The following TRIM64C variants were observed in gnomAD, a reference collection of about 807,000 sequenced individuals.
The protein encoded by TRIM64C is tripartite motif-containing protein 64C.
A neutral mutation model predicts 36.1 loss-of-function variants in TRIM64C; 25 were observed. The ratio of observed to expected loss-of-function variants is 0.69; its 90% confidence interval spans 0.51 to 0.97. The LOEUF is 0.97. Ranked by LOEUF, TRIM64C falls within the 50% of genes least tolerant of loss-of-function variation. TRIM64C has a pLI of 0.00. For missense variants in TRIM64C, 489 were observed against 536.8 expected (o/e 0.91, Z 0.88); for synonymous variants, 212 against 185.7 (o/e 1.14, Z -1.15).
chr11:49,059,020 C>T lies in TRIM64C; in HGVS notation c.93G>A (p.Val31=). 1 of 1,551,972 alleles carries T rather than the reference C, an allele frequency of 6.4e-7. No homozygotes were observed. The highest frequency in any genetic ancestry group is 8.7e-7 in the Non-Finnish European group (1 of 1,147,326). ...AGAGGCAGGGCCTGCAAAAGCTGTGCACACAGTCAGTGGTGACCGGGTCTA... is the reference window on the plus strand; with the variant it reads ...AGAGGCAGGGCCTGCAAAAGCTGTGTACACAGTCAGTGGTGACCGGGTCTA... ...YFIDPVTTDC[V]HSFCRPCLCL... The change falls in exon 1 of 6, where the codon GTG becomes GTA. Residue 31 remains valine (V), a synonymous_variant. Transcript: ENST00000617704.
At chr11:49,056,218 G>A in intron 4 of TRIM64C, 141 bp downstream of exon 4, 3 of 656,636 alleles carry the variant, frequency 4.6e-6, no homozygotes, top group East Asian at 3.0e-5. Flanking sequence ...AAACCAAAGA[G>A]AAGAAGATCT....
intron 5 of TRIM64C, among the ~76,000 whole-genome samples, chr11:49,054,491 TG>T (rs1854790452): frequency 1.3e-5 from 2 of 152,234 alleles, no homozygotes; most frequent in Admixed American, 1.3e-4. Context: ...ATATCTAAAA[TG>T]TTTTTTTTCT....
At position 49,058,746 on chromosome 11, in the gene TRIM64C, G is replaced by A; in HGVS notation, c.367C>T (p.His123Tyr). 1.3e-6 allele frequency: 2 copies of A among 1,547,910 alleles called. No homozygotes were observed. The highest frequency in any genetic ancestry group is 8.7e-7 in the Non-Finnish European group (1 of 1,146,574). ...PCSESPEHMA[H>Y]SHSPIGWAAE... ...GCCCATCCTATTGGGCTGTGGCTGTGAGCCATGTGCTCTGGTGACTCAGAG... is the reference window on the plus strand; with the variant it reads ...GCCCATCCTATTGGGCTGTGGCTGTAAGCCATGTGCTCTGGTGACTCAGAG... Residue 123 changes from histidine (H) to tyrosine (Y), a missense_variant, in exon 1 of 6, where the codon CAC (histidine) becomes TAC (tyrosine). Transcript: ENST00000617704.
In TRIM64C at chr11:49,054,033, A is replaced by G. The variant is rs1462231152; in HGVS notation, c.1034T>C (p.Val345Ala). 1.3e-6 allele frequency: 2 copies of G among 1,551,574 alleles called. No individual in the cohort carries two copies. Among genetic ancestry groups the G allele is most frequent in the South Asian group, 2.4e-5 (2 of 84,046 alleles). Reference sequence around the variant, plus strand: ...CCAGTTGGAGGAGTGGGTCACATCCACTTCCCAGTAATGCTTGCCGGAGGT... The same window carrying G: ...CCAGTTGGAGGAGTGGGTCACATCCGCTTCCCAGTAATGCTTGCCGGAGGT... ...AFTSGKHYWEVDVTHSSNWIL... is the reference protein window; with the variant it reads ...AFTSGKHYWEADVTHSSNWIL... Residue 345 changes from valine to alanine, a missense_variant, in exon 6 of 6, where the codon GTG (valine) becomes GCG (alanine). Physicochemically the swap from Val to Ala is moderately conservative, Grantham distance 64. Coordinates refer to ENST00000617704, the MANE Select transcript of TRIM64C (RefSeq NM_001206631.1).
Position 49,058,062 on chromosome 11 carries a change from C to CA in TRIM64C, c.507+15dup, listed in dbSNP as rs1854834096. 9 of 1,478,594 alleles carry CA rather than the reference C, an allele frequency of 6.1e-6. No homozygotes were observed. The highest frequency in any genetic ancestry group is 8.1e-6 in the Non-Finnish European group (9 of 1,106,514). The allele number at this position is 1,478,594 out of a possible 1,614,324, so 91.6% of individuals were successfully genotyped here. A position where few individuals can be genotyped will look rare whatever the true frequency, so the allele number is the denominator to read the frequency against. On this transcript the variant is annotated intron_variant, in intron 2 of 5. Coordinates refer to ENST00000617704, the MANE Select transcript of TRIM64C (RefSeq NM_001206631.1). ...TTTATTTGCATAAAAACAAAGGAAACATTTTCATTCTTAACCACTAATGAA... is the reference window on the plus strand; with the variant it reads ...TTTATTTGCATAAAAACAAAGGAAACAATTTTCATTCTTAACCACTAATGAA...
At chr11:49,058,666 A>G in intron 1 of TRIM64C, 35 bp downstream of exon 1, 1 of 1,538,458 alleles carries the variant, frequency 6.5e-7, no homozygotes, top group Non-Finnish European at 8.7e-7. Context: ...CTTATTTGAT[A>G]TTCTGTATAA....
In TRIM64C at chr11:49,057,292, C is replaced by T. The variant is rs1565098247; in HGVS notation, c.594G>A (p.Leu198=). Residue 198 remains leucine, a synonymous_variant, in exon 3 of 6, where the codon CTG becomes CTA. Coordinates refer to ENST00000617704, the MANE Select transcript of TRIM64C (RefSeq NM_001206631.1). Reference sequence around the variant, plus strand: ...CTTTTGCTTCTCTTTCCAGTGCCTGCAGATGCCGTTGCTCCTCCTCATCGA... The same window carrying T: ...CTTTTGCTTCTCTTTCCAGTGCCTGTAGATGCCGTTGCTCCTCCTCATCGA... ...IFLDEEEQRH[L]QALEREAKEL... 1 of 1,549,770 alleles carries T rather than the reference C, an allele frequency of 6.5e-7. No individual in the cohort carries two copies. The highest frequency in any genetic ancestry group is 2.0e-5 in the Admixed American group (1 of 50,972).
chr11:49,054,048 T>C lies in TRIM64C; in HGVS notation c.1019A>G (p.Lys340Arg), dbSNP rs559399586. Residue 340 changes from lysine (K) to arginine (R), a missense_variant, in exon 6 of 6, where the codon AAG becomes AGG. Physicochemically the swap from Lys to Arg is conservative, Grantham distance 26. Transcript: ENST00000617704. ...GGTCACATCCACTTCCCAGTAATGC[T>C]TGCCGGAGGTGAATGCTTGCGCACA... The part of the protein sequence containing the change: ...VWCAQAFTSG[K>R]HYWEVDVTHS... 1.1e-3 allele frequency: 1,650 copies of C among 1,551,572 alleles called. 1 individual carries two copies. The highest frequency in any genetic ancestry group is 1.3e-3 in the Non-Finnish European group (1,544 of 1,146,838).
In TRIM64C at chr11:49,058,188, A is replaced by G. The variant is rs576025963; in HGVS notation, c.413-16T>C. The G allele has an allele frequency of 1.1e-5, 16 of 1,469,744 alleles. No homozygotes were observed. The African/African-American group carries it at 1.6e-4, about 14-fold the overall frequency. The allele number at this position is 1,469,744 out of a possible 1,614,324, so 91.0% of individuals were successfully genotyped here. On this transcript the variant is annotated splice_polypyrimidine_tract_variant and intron_variant, in intron 1 of 5. Transcript: ENST00000617704. ...ATAAGTTTCTCTTGCAAAAGAAGCA[A>G]GAAGCTTAGCAATGATGAAGACAGT...
At chr11:49,055,286 G>A (rs1395448208) in intron 5 of TRIM64C, 24 bp downstream of exon 5, 2 of 1,535,274 alleles carry the variant, frequency 1.3e-6, no homozygotes, top group East Asian at 4.9e-5. Flanking sequence ...TTTGAGGCTG[G>A]ACTGCCAAGC....
chr11:49,056,406 T>C (rs774901820), intron 3 of TRIM64C, 25 bp from the exon 4 acceptor site: 23 of 1,529,676 alleles, frequency 1.5e-5, no homozygotes, highest in Middle Eastern at 1.7e-4. Flanking sequence ...AAATGTAATG[T>C]TAATTATGAG....
intron 5 of TRIM64C, among the ~76,000 whole-genome samples, chr11:49,055,019 T>C (rs1042473337): frequency 6.6e-6 from 1 of 152,242 alleles, no homozygotes; most frequent in African/African-American, 2.4e-5. Flanking sequence ...GAAATACTGA[T>C]GCCACCATGA....
rs1854851650 is a variant in TRIM64C, at chr11:49,059,045, A to G, written c.68T>C (p.Ile23Thr). The change falls in exon 1 of 6, where the codon ATA becomes ACA. Residue 23 changes from isoleucine to threonine, a missense_variant. Coordinates refer to ENST00000617704, the MANE Select transcript of TRIM64C (RefSeq NM_001206631.1). ...CACACAGTCAGTGGTGACCGGGTCT[A>G]TGAAGTAGTTCACGCAAATGCAGCA... ...LICCICVNYF[I>T]DPVTTDCVHS... 6.4e-7 allele frequency: 1 copy of G among 1,553,072 alleles called. No individual in the cohort carries two copies.
rs778749418 is a variant in TRIM64C, at chr11:49,053,821, C to T, written c.1246G>A (p.Gly416Arg). Residue 416 changes from glycine to arginine, a missense_variant, in exon 6 of 6, where the codon GGA (glycine) becomes AGA (arginine). Gly to Arg is a moderately radical substitution (Grantham distance 125, BLOSUM62 -2). Coordinates refer to ENST00000617704, the MANE Select transcript of TRIM64C (RefSeq NM_001206631.1). The stretch of plus-strand genomic sequence containing the variant: ...GAAACATCAAAAAAACTCACAGATC[C>T]ATTATCATAATCCAGAAACACCCCA... Reference protein sequence around the residue: ...WVGVFLDYDNGSVSFFDVSKG... With the variant: ...WVGVFLDYDNRSVSFFDVSKG... 2 of 1,551,620 alleles carry T rather than the reference C, an allele frequency of 1.3e-6. No homozygotes were observed. The highest frequency in any genetic ancestry group is 2.4e-5 in the South Asian group (2 of 84,050).
At chr11:49,058,399 G>C (rs1049683734) in intron 1 of TRIM64C, among the ~76,000 whole-genome samples, 1 of 151,820 alleles carries the variant, frequency 6.6e-6, no homozygotes, top group Admixed American at 6.6e-5. Flanking sequence ...AATTTTCTGA[G>C]AAACTGGGTT....
intron 3 of TRIM64C, among the ~76,000 whole-genome samples, chr11:49,056,802 GC>G (rs980667061): frequency 6.6e-6 from 1 of 151,882 alleles, no homozygotes; most frequent in African/African-American, 2.4e-5. Flanking sequence ...GCAAATCACT[GC>G]TGTGTGGACA....
Position 49,055,411 on chromosome 11 carries a change from C to CAAAA in TRIM64C, c.762-8_762-5dup, listed in dbSNP as rs34650085. The CAAAA allele has an allele frequency of 9.4e-5, 133 of 1,407,914 alleles. No individual in the cohort carries two copies. Among genetic ancestry groups the CAAAA allele is most frequent in the Admixed American group, 2.1e-4 (10 of 47,528 alleles). 87.2% of individuals were successfully genotyped at this position (1,407,914 alleles called of 1,614,324 possible). A position where few individuals can be genotyped will look rare whatever the true frequency, so the allele number is the denominator to read the frequency against. ...TGGCATCTGTGCCAAATCAGTTCTG[C>CAAAA]AAAAAAAAAATGGCCTCAGTTATAT... On this transcript the variant is annotated splice_region_variant and splice_polypyrimidine_tract_variant and intron_variant, in intron 4 of 5. Transcript: ENST00000617704.
intron 5 of TRIM64C, 144 bp from the exon 6 acceptor site, chr11:49,054,351 T>C (rs1225921801): frequency 1.1e-6 from 1 of 883,222 alleles, no homozygotes; most frequent in African/African-American, 1.7e-5. Flanking sequence ...TCCATGAAGA[T>C]GAAATGTTAT....
rs1318137735 is a variant in TRIM64C at position 49,058,887 on chromosome 11, G to A, written c.226C>T (p.Leu76=). 2 of 1,550,320 alleles carry A rather than the reference G, an allele frequency of 1.3e-6. No individual in the cohort carries two copies. Among genetic ancestry groups the A allele is most frequent in the Non-Finnish European group, 1.7e-6 (2 of 1,146,944 alleles). The change falls in exon 1 of 6, where the codon CTA becomes TTA. Residue 76 remains leucine, a synonymous_variant. Transcript: ENST00000617704. ...TNVALKKLAS[L]ARQTRPQNIN... is the part of the protein sequence containing the mutation. ...TTCTGAGGTCTGGTCTGTCTGGCTA[G>A]GGAAGCCAGCTTTTTGAGTGCCACA...
Sources: allele counts gnomAD v4.1 joint callset (sites outside exome capture counted in the v4.1 genomes callset), GRCh38; gene constraint gnomAD v4.1.1; transcripts MANE v1.5; gene names NCBI Gene and HGNC (gene_info 2026-07-23, HGNC 2026-07-21).